ARHGAP8: variants seen among roughly 807,000 people sequenced by gnomAD.
ARHGAP8 encodes the protein rho GTPase-activating protein 8.
A neutral mutation model predicts 46.1 loss-of-function variants in ARHGAP8; 62 were observed. The ratio of observed to expected loss-of-function variants is 1.34; its 90% confidence interval spans 1.10 to 1.66. ARHGAP8 has a LOEUF of 1.66. Ranked by LOEUF, ARHGAP8 falls within the 40% of genes most tolerant of loss-of-function variation. The pLI is 0.00. For synonymous variants in ARHGAP8, 375 were observed against 243.1 expected (o/e 1.54, Z -5.05); for missense variants, 923 against 568.4 (o/e 1.62, Z -6.34).
rs568351344 is a variant in ARHGAP8, at chr22:44,811,670, G to T, written c.300-3002G>T. 1.7e-4 allele frequency among the ~76,000 whole-genome samples: 26 copies of T among 152,226 alleles called. No individual in the cohort carries two copies. The South Asian group carries it at 5.4e-3, about 32-fold the overall frequency. ...CTACCCAAAAGTGTAATGTCTGCAG[G>T]GGTGCTGAGTTCCCCATCGCTAGAG... On this transcript the variant is annotated intron_variant, in intron 4 of 11. Transcript: ENST00000356099.
intron 4 of ARHGAP8, among the ~76,000 whole-genome samples, chr22:44,811,941 G>C (rs1929362056): frequency 6.6e-6 from 1 of 151,024 alleles, no homozygotes; most frequent in East Asian, 2.0e-4. Flanking sequence ...AGGTTGCAGT[G>C]AGCTGAGATC....
At chr22:44,813,648 C>T (rs1192274709) in intron 4 of ARHGAP8, among the ~76,000 whole-genome samples, 2 of 151,788 alleles carry the variant, frequency 1.3e-5, no homozygotes, top group Non-Finnish European at 2.9e-5. Flanking sequence ...CCTACACACA[C>T]ACCCACACAC....
At chr22:44,861,218 T>G (rs1306188696) in intron 11 of ARHGAP8, among the ~76,000 whole-genome samples, 1 of 152,152 alleles carries the variant, frequency 6.6e-6, no homozygotes, top group Non-Finnish European at 1.5e-5. Context: ...GTGATCCACC[T>G]GCCTCGGCCT....
intron 2 of ARHGAP8, among the ~76,000 whole-genome samples, chr22:44,795,728 G>A (rs1036678494): frequency 6.6e-6 from 1 of 152,160 alleles, no homozygotes; most frequent in African/African-American, 2.4e-5. Flanking sequence ...GTGGCCCATT[G>A]TGGCCCACAG....
chr22:44,859,446 CAGA>C (rs1389085601), intron 10 of ARHGAP8, among the ~76,000 whole-genome samples: 4 of 152,156 alleles, frequency 2.6e-5, no homozygotes, highest in Non-Finnish European at 5.9e-5. Flanking sequence ...GAGGCTTCTC[CAGA>C]AGCTGAACAG....
intron 7 of ARHGAP8, among the ~76,000 whole-genome samples, chr22:44,828,728 G>A (rs892648351): frequency 5.3e-5 from 8 of 151,682 alleles, no homozygotes; most frequent in Non-Finnish European, 1.2e-4. Flanking sequence ...GATAACAGGC[G>A]TCAGCCAGCA....
intron 1 of ARHGAP8, among the ~76,000 whole-genome samples, chr22:44,755,315 G>C (rs1416574342): frequency 6.6e-6 from 1 of 152,242 alleles, no homozygotes; most frequent in Non-Finnish European, 1.5e-5. Context: ...CATGGGAGCT[G>C]GTGTCTGGTG....
chr22:44,764,780 A>G (rs1925423023), intron 1 of ARHGAP8, among the ~76,000 whole-genome samples: 1 of 152,248 alleles, frequency 6.6e-6, no homozygotes, highest in Admixed American at 6.5e-5. Context: ...AGTGTTCTCC[A>G]GGCCAACAGA....
chr22:44,821,290 C>T (rs539431662), intron 5 of ARHGAP8, among the ~76,000 whole-genome samples: 43 of 152,124 alleles, frequency 2.8e-4, no homozygotes, highest in Admixed American at 1.2e-3. Flanking sequence ...ATTAGCCAGG[C>T]GTGGTGGTGT....
chr22:44,799,244 C>G (rs78910568), intron 2 of ARHGAP8, among the ~76,000 whole-genome samples: 1 of 152,222 alleles, frequency 6.6e-6, no homozygotes, highest in Non-Finnish European at 1.5e-5. Flanking sequence ...TCAAAGCCAC[C>G]AAGGCTGCGT....
intron 7 of ARHGAP8, among the ~76,000 whole-genome samples, chr22:44,828,981 G>A (rs1055647296): frequency 4.0e-5 from 6 of 151,646 alleles, no homozygotes; most frequent in African/African-American, 1.2e-4. Context: ...CTTTAAAAAC[G>A]AAAAACAAAG....
Position 44,825,527 on chromosome 22 carries a change from CT to C in ARHGAP8, c.531del (p.Thr179ProfsTer35). On this transcript the variant is annotated frameshift_variant, in exon 7 of 12. Transcript: ENST00000356099. LOFTEE classifies it high-confidence loss of function. ...AGCCTGCACGAGGGCCGGACGCCGC[CT>C]CCCACCAAGACACCACCGCCGCGGC... Reference protein sequence around the residue: ...LQSLHEGRTPPPTKTPPPRPP... With the variant: ...LQSLHEGRTPXPTKTPPPRPP... 6.2e-7 allele frequency: 1 copy of C among 1,613,564 alleles called. No homozygotes were observed. The highest frequency in any genetic ancestry group is 8.5e-7 in the Non-Finnish European group (1 of 1,179,878).
At chr22:44,756,459 TTTCAG>T (rs1367578687) in intron 1 of ARHGAP8, among the ~76,000 whole-genome samples, 5 of 152,096 alleles carry the variant, frequency 3.3e-5, no homozygotes, top group Middle Eastern at 3.2e-3. Context: ...TATTTTTTCA[TTTCAG>T]TTCTTTTTAT....
rs772909625 is a variant in ARHGAP8 at position 44,845,303 on chromosome 22, C to A, written c.631C>A (p.Pro211Thr). ...CAAAAATCAAGGCGAACTCATCCCC[C>A]CTGTGCTGAGGTTCACAGTGACGTA... ...KDKNQGELIP[P>T]VLRFTVTYLR... Residue 211 changes from proline to threonine, a missense_variant, in exon 8 of 12, where the codon CCT becomes ACT. By Grantham distance (38) the Pro-to-Thr change is conservative. Coordinates refer to ENST00000356099, the MANE Select transcript of ARHGAP8 (RefSeq NM_181335.3). 1.9e-6 allele frequency: 3 copies of A among 1,614,152 alleles called. No homozygotes were observed. Among genetic ancestry groups the A allele is most frequent in the Non-Finnish European group, 1.7e-6 (2 of 1,180,022 alleles).
chr22:44,853,607 AT>A (rs1301008641), intron 10 of ARHGAP8, among the ~76,000 whole-genome samples: 1 of 152,236 alleles, frequency 6.6e-6, no homozygotes, highest in Non-Finnish European at 1.5e-5. Flanking sequence ...GATTATTTAC[AT>A]AAGGGCAGCA....
chr22:44,764,763 G>T (rs549733383), intron 1 of ARHGAP8, among the ~76,000 whole-genome samples: 1 of 152,218 alleles, frequency 6.6e-6, no homozygotes, highest in Non-Finnish European at 1.5e-5. Context: ...AAAGTCCTGC[G>T]TCAGTCAGTG....
At chr22:44,859,984 A>C (rs1248816163) in intron 11 of ARHGAP8, 150 bp downstream of exon 11, 12 of 970,270 alleles carry the variant, frequency 1.2e-5, no homozygotes, top group Middle Eastern at 3.1e-4. Context: ...CAAGGACCTC[A>C]TCCAAGGCCT....
At chr22:44,753,540 C>T (rs1924420454) in intron 1 of ARHGAP8, among the ~76,000 whole-genome samples, 1 of 150,764 alleles carries the variant, frequency 6.6e-6, no homozygotes, top group Non-Finnish European at 1.5e-5. Flanking sequence ...AAAGTTTAAA[C>T]CAATCCGCTA....
intron 1 of ARHGAP8, among the ~76,000 whole-genome samples, chr22:44,767,984 CTTTTTTT>C (rs1167255172): frequency 8.7e-4 from 41 of 47,234 alleles, no homozygotes; most frequent in African/African-American, 3.5e-3. Flanking sequence ...CGCATGATGT[CTTTTTTT>C]TTTTTTTTTT....
Sources: allele counts gnomAD v4.1 joint callset (sites outside exome capture counted in the v4.1 genomes callset), GRCh38; gene constraint gnomAD v4.1.1; transcripts MANE v1.5; gene names NCBI Gene and HGNC (gene_info 2026-07-23, HGNC 2026-07-21).